The following MYRF variants were observed in gnomAD, a reference collection of about 807,000 sequenced individuals.
MYRF encodes the protein myelin gene regulatory factor.
A neutral mutation model predicts 126.3 loss-of-function variants in MYRF; 16 were observed. The ratio of observed to expected loss-of-function variants is 0.13; its 90% CI spans 0.09 to 0.19. The LOEUF (loss-of-function observed/expected upper bound fraction) is 0.19. Ranked by LOEUF, MYRF falls within the 10% of genes least tolerant of loss-of-function variation. The pLI is 1.00. For missense variants in MYRF, 1,104 were observed against 1,547.0 expected, an observed-to-expected ratio of 0.71 and a Z score of 4.80; for synonymous variants, 608 against 635.3, an observed-to-expected ratio of 0.96 and a Z score of 0.65.
chr11:61,767,118 C>T (rs771158787), intron 3 of MYRF: 28 of 456,208 alleles, frequency 6.1e-5, no homozygotes, highest in Non-Finnish European at 1.0e-4. Context: ...GACACATGGC[C>T]GGCCGTGCTT....
rs111846690 is a variant in MYRF at position 61,774,087 on chromosome 11, C to A, written c.1236C>A (p.Gly412=). 1 of 1,613,840 alleles carries A rather than the reference C, an allele frequency of 6.2e-7. No homozygotes were observed. ...TGACAGTGTACATCGGCATGCTGGG[C>A]GAGCCCAAGTACGTCAAGACGCCCG... ...FQVTVYIGML[G]EPKYVKTPEG... The change falls in exon 8 of 27, where the codon GGC becomes GGA. Residue 412 remains glycine (G), a synonymous_variant. Coordinates refer to ENST00000278836, the MANE Select transcript of MYRF (RefSeq NM_001127392.3).
At position 61,770,380 on chromosome 11, in the gene MYRF, C is replaced by T. The variant is rs1249812242; in HGVS notation, c.595C>T (p.Pro199Ser). The change falls in exon 5 of 27, where the codon CCT (proline) becomes TCT (serine). Residue 199 changes from proline to serine, a missense_variant. By Grantham distance (74) the Pro-to-Ser change is moderately conservative. Transcript: ENST00000278836. ...PPPPPPPPHY[P>S]VLQRDLYMKA... ...ACCCCCACCACCCCCACCTCACTAC[C>T]CTGTCCTGCAGCGGGATCTGTACAT... is the stretch of plus-strand genomic sequence containing the variant. The T allele has an allele frequency of 5.0e-5, 75 of 1,496,326 alleles. No individual in the cohort carries two copies. The Admixed American group carries it at 1.1e-3, about 21-fold the overall frequency. 92.7% of individuals were successfully genotyped at this position (1,496,326 alleles called of 1,614,324 possible).
intron 4 of MYRF, among the ~76,000 whole-genome samples, chr11:61,769,855 A>G (rs1314809328): frequency 6.6e-6 from 1 of 152,118 alleles, no homozygotes; most frequent in Admixed American, 6.5e-5. Flanking sequence ...CAGAAGAGGG[A>G]CTGCCTGCCG....
At chr11:61,771,987 C>A (rs1286256054) in intron 7 of MYRF, 35 bp downstream of exon 7, 4 of 1,609,638 alleles carry the variant, frequency 2.5e-6, no homozygotes, top group South Asian at 1.1e-5. Flanking sequence ...CTCCTCCAGG[C>A]CCCCCCACCT....
chr11:61,781,944 T>C, intron 22 of MYRF, 120 bp downstream of exon 22: 1 of 1,257,604 alleles, frequency 8.0e-7, no homozygotes, highest in East Asian at 2.6e-5. Context: ...AGACGTTTGC[T>C]GAGCACAGAA....
chr11:61,768,879 C>T (rs1196368598), intron 3 of MYRF: 1 of 194,050 alleles, frequency 5.2e-6, no homozygotes, highest in East Asian at 1.2e-4. Context: ...GCCCTGAGGC[C>T]CAGCCCCCTA....
At chr11:61,765,751 C>T (rs199943169) in intron 2 of MYRF, 39 bp downstream of exon 2, 2 of 1,577,886 alleles carry the variant, frequency 1.3e-6, no homozygotes, top group Admixed American at 3.5e-5. Flanking sequence ...CCGCCCAGCC[C>T]CAGCCCTTCG....
intron 5 of MYRF, 67 bp downstream of exon 5, chr11:61,770,592 G>A (rs547276515): frequency 1.5e-5 from 22 of 1,453,032 alleles, no homozygotes; most frequent in Non-Finnish European, 1.9e-5. Flanking sequence ...TGGGCAGGGC[G>A]GCGGGCAGGC....
In MYRF at chr11:61,777,178, G is replaced by A; in HGVS notation, c.1591-86G>A. The A allele has an allele frequency of 2.2e-6, 3 of 1,382,116 alleles. No homozygotes were observed. Among genetic ancestry groups the A allele is most frequent in the Non-Finnish European group, 3.0e-6 (3 of 998,290 alleles). The allele number at this position is 1,382,116 out of a possible 1,614,324, so 85.6% of individuals were successfully genotyped here. A position where few individuals can be genotyped will look rare whatever the true frequency, so the allele number is the denominator to read the frequency against. On this transcript the variant is annotated intron_variant, in intron 11 of 26. Coordinates refer to ENST00000278836, the MANE Select transcript of MYRF (RefSeq NM_001127392.3). The surrounding 1 kb of genome is among the most constrained non-coding windows in gnomAD (Gnocchi z 8.8). ...AGAAACCCTGGCTGGAAGGGGAGGG[G>A]CTGCTGTGGAGTTTCCCCCTGCTCC... is the stretch of plus-strand genomic sequence containing the variant.
chr11:61,786,430 G>T lies in MYRF; in HGVS notation c.*287G>T, dbSNP rs2066697323. On this transcript the variant is annotated 3_prime_UTR_variant, in exon 27 of 27. Coordinates refer to ENST00000278836, the MANE Select transcript of MYRF (RefSeq NM_001127392.3). The surrounding 1 kb of genome is among the most constrained non-coding windows in gnomAD (Gnocchi z 4.5). ...AGTTTACCTCTTTCCAGATATGGTG[G>T]TTGGAGGGCTGGTTCAGGTGCCCTG... The T allele has an allele frequency of 2.2e-6, 1 of 462,318 alleles. No homozygotes were observed. The highest frequency in any genetic ancestry group is 1.9e-5 in the African/African-American group (1 of 51,304). 28.6% of individuals were successfully genotyped at this position (462,318 alleles called of 1,614,324 possible). A position where few individuals can be genotyped will look rare whatever the true frequency, so the allele number is the denominator to read the frequency against.
In MYRF at chr11:61,771,914, C is replaced by T. The variant is rs575944034; in HGVS notation, c.1077C>T (p.Asn359=). 6.2e-7 allele frequency: 1 copy of T among 1,614,030 alleles called. No individual in the cohort carries two copies. The highest frequency in any genetic ancestry group is 8.5e-7 in the Non-Finnish European group (1 of 1,180,026). The change falls in exon 7 of 27, where the codon AAC becomes AAT. Residue 359 remains asparagine, a synonymous_variant. Transcript: ENST00000278836. ...QSIKWQPHQQ[N]KWATLYDANY... is the part of the protein sequence containing the mutation. ...TCAAGTGGCAGCCTCATCAGCAGAA[C>T]AAGTGGGCGACCCTGTACGATGCTA...
chr11:61,781,157 C>T lies in MYRF; in HGVS notation c.2592C>T (p.Ser864=). The change falls in exon 21 of 27, where the codon AGC becomes AGT. Residue 864 remains serine (S), a synonymous_variant. Coordinates refer to ENST00000278836, the MANE Select transcript of MYRF (RefSeq NM_001127392.3). The part of the protein sequence containing the change: ...SLLLVTTSLT[S]SAPGSAVRTL... ...CCTCAGTGACCACCAGCCTCACCAG[C>T]TCGGCCCCAGGTTCTGCTGTCCGCA... 1.2e-6 allele frequency: 2 copies of T among 1,613,718 alleles called. No individual in the cohort carries two copies. The highest frequency in any genetic ancestry group is 1.3e-5 in the African/African-American group (1 of 75,038).
chr11:61,779,462 C>T lies in MYRF; in HGVS notation c.2175-36C>T, dbSNP rs1470625644. 1.4e-5 allele frequency: 21 copies of T among 1,545,774 alleles called. No homozygotes were observed. In the South Asian group the frequency reaches 2.3e-4, roughly 17 times the overall value. On this transcript the variant is annotated intron_variant, in intron 15 of 26. Coordinates refer to ENST00000278836, the MANE Select transcript of MYRF (RefSeq NM_001127392.3). Reference sequence around the variant, plus strand: ...GTGGGGGAAGGTGAGACCCTTCTTCCCAGGGACACCCCTGATCCTGGCCCT... The same window carrying T: ...GTGGGGGAAGGTGAGACCCTTCTTCTCAGGGACACCCCTGATCCTGGCCCT...
chr11:61,753,722 C>T (rs2065670054), intron 1 of MYRF, among the ~76,000 whole-genome samples: 1 of 152,148 alleles, frequency 6.6e-6, no homozygotes, highest in Non-Finnish European at 1.5e-5. Context: ...CTGCCCCCAC[C>T]CCTACATTGG....
intron 1 of MYRF, among the ~76,000 whole-genome samples, chr11:61,753,754 T>C (rs2065670965): frequency 6.6e-6 from 1 of 152,102 alleles, no homozygotes; most frequent in African/African-American, 2.4e-5. Flanking sequence ...TGCTCCTCCA[T>C]CTAACCAACT....
intron 3 of MYRF, 116 bp downstream of exon 3, chr11:61,766,337 A>C: frequency 8.5e-7 from 1 of 1,181,886 alleles, no homozygotes; most frequent in Non-Finnish European, 1.1e-6. Flanking sequence ...GGGCTGGGTG[A>C]CTGGCTGTGC....
rs569378840 is a variant in MYRF, at chr11:61,787,137, T to G, written c.*994T>G. 6.5e-6 allele frequency: 1 copy of G among 152,794 alleles called. No individual in the cohort carries two copies. The highest frequency in any genetic ancestry group is 2.4e-5 in the African/African-American group (1 of 41,514). The allele number at this position is 152,794 out of a possible 1,614,324, so 9.5% of individuals were successfully genotyped here. On this transcript the variant is annotated 3_prime_UTR_variant, in exon 27 of 27. Coordinates refer to ENST00000278836, the MANE Select transcript of MYRF (RefSeq NM_001127392.3). The stretch of plus-strand genomic sequence containing the variant: ...GCTTTTGCTGTTATTAATGAAGTAA[T>G]TACTAAATGCACTTAAACCAGGGCA...
In MYRF at chr11:61,776,944, G is replaced by T; in HGVS notation, c.1590+67G>T. On this transcript the variant is annotated intron_variant, in intron 11 of 26. Transcript: ENST00000278836. This position sits in a 1 kb window ranked among gnomAD's most constrained non-coding sequence, Gnocchi z 4.3. ...GGACTGGGAGAAACAGCAAGCAGAA[G>T]TACCCGGGTACTGAGAGTCAGGAGT... 7.5e-7 allele frequency: 1 copy of T among 1,324,742 alleles called. No individual in the cohort carries two copies. Among genetic ancestry groups the T allele is most frequent in the Non-Finnish European group, 1.0e-6 (1 of 968,218 alleles). The allele number at this position is 1,324,742 out of a possible 1,614,324, so 82.1% of individuals were successfully genotyped here.
chr11:61,776,466 C>A lies in MYRF; in HGVS notation c.1499+34C>A. On this transcript the variant is annotated intron_variant, in intron 10 of 26. Transcript: ENST00000278836. This position sits in a 1 kb window ranked among gnomAD's most constrained non-coding sequence, Gnocchi z 4.3. Reference sequence around the variant, plus strand: ...GTGGGGGCCCTGCCCCGGAGCCCCTCCATTTCTGAGGCAGGAAGACACTGC... The same window carrying A: ...GTGGGGGCCCTGCCCCGGAGCCCCTACATTTCTGAGGCAGGAAGACACTGC... 6.3e-7 allele frequency: 1 copy of A among 1,576,826 alleles called. No individual in the cohort carries two copies. Among genetic ancestry groups the A allele is most frequent in the Non-Finnish European group, 8.7e-7 (1 of 1,154,934 alleles).
Sources: allele counts gnomAD v4.1 joint callset (sites outside exome capture counted in the v4.1 genomes callset), GRCh38; gene constraint gnomAD v4.1.1; non-coding constraint Gnocchi (gnomAD v3.1); transcripts MANE v1.5; gene names NCBI Gene and HGNC (gene_info 2026-07-23, HGNC 2026-07-21).